The following CEP112 variants were observed in gnomAD, a reference collection of about 807,000 sequenced individuals.
CEP112 encodes the protein centrosomal protein of 112 kDa.
CEP112 carries 127 observed loss-of-function variants against 153.0 expected under a neutral mutation model. The observed-to-expected ratio is 0.83, with a 90% CI of 0.72 to 0.96. The LOEUF (loss-of-function observed/expected upper bound fraction) is 0.96, where lower values mean the gene tolerates loss of function less well. Ranked by LOEUF, CEP112 falls within the 40% of genes least tolerant of loss-of-function variation. CEP112 has a pLI of 0.00. For missense variants in CEP112, 1,089 were observed against 1,101.2 expected (o/e 0.99, Z 0.16); for synonymous variants, 358 against 374.4 (o/e 0.96, Z 0.51).
At chr17:65,960,750 C>T (rs2062168836) in intron 18 of CEP112, among the ~76,000 whole-genome samples, 1 of 152,196 alleles carries the variant, frequency 6.6e-6, no homozygotes, top group South Asian at 2.1e-4. Flanking sequence ...TTGGTTGAAT[C>T]TGTGGAGGCA....
intron 17 of CEP112, among the ~76,000 whole-genome samples, chr17:65,985,130 G>A (rs1444812460): frequency 6.6e-6 from 1 of 152,102 alleles, no homozygotes; most frequent in Non-Finnish European, 1.5e-5. Flanking sequence ...AGAGAGAGAA[G>A]CCGCAGTTGA....
chr17:65,766,029 G>T (rs1015130652), intron 21 of CEP112, among the ~76,000 whole-genome samples: 1 of 150,212 alleles, frequency 6.7e-6, no homozygotes, highest in Non-Finnish European at 1.5e-5. Flanking sequence ...TGTATGAATT[G>T]TTTGTAAAGC....
At chr17:65,680,920 G>C (rs1340585605) in intron 24 of CEP112, among the ~76,000 whole-genome samples, 24 of 152,142 alleles carry the variant, frequency 1.6e-4, no homozygotes, top group Non-Finnish European at 7.4e-5. Context: ...CACAGGAACA[G>C]CATGGGGGAA....
intron 4 of CEP112, among the ~76,000 whole-genome samples, chr17:66,145,734 G>T (rs1442078556): frequency 6.6e-6 from 1 of 151,954 alleles, no homozygotes; most frequent in Non-Finnish European, 1.5e-5. Flanking sequence ...TTGATTTTAA[G>T]CCTAAAAATC....
chr17:65,701,216 A>G (rs1332063402), intron 23 of CEP112, among the ~76,000 whole-genome samples: 2 of 152,196 alleles, frequency 1.3e-5, no homozygotes, highest in African/African-American at 2.4e-5. Flanking sequence ...GCCACAAGAC[A>G]GGTTGCAGGG....
intron 11 of CEP112, among the ~76,000 whole-genome samples, chr17:66,061,171 G>A (rs1414203552): frequency 6.6e-6 from 1 of 152,024 alleles, no homozygotes; most frequent in African/African-American, 2.4e-5. Context: ...CCAAAAGGTA[G>A]ATGAAAAATG....
At chr17:66,126,012 A>C (rs73353849) in intron 6 of CEP112, among the ~76,000 whole-genome samples, 1 of 152,170 alleles carries the variant, frequency 6.6e-6, no homozygotes, top group Admixed American at 6.5e-5. Context: ...TGTGTCAGCA[A>C]GCTAATTTTT....
chr17:66,102,614 G>T (rs1275329922), intron 6 of CEP112, among the ~76,000 whole-genome samples: 1 of 151,242 alleles, frequency 6.6e-6, no homozygotes, highest in African/African-American at 2.4e-5. Context: ...TGGCTAACAT[G>T]GTGAAACCCC....
At chr17:65,884,258 G>A (rs1463698724) in intron 20 of CEP112, among the ~76,000 whole-genome samples, 1 of 152,180 alleles carries the variant, frequency 6.6e-6, no homozygotes. Context: ...AGAAGCAGGA[G>A]GAAAACTGGG....
chr17:65,815,633 A>T (rs1436492635), intron 21 of CEP112, among the ~76,000 whole-genome samples: 1 of 152,066 alleles, frequency 6.6e-6, no homozygotes, highest in Admixed American at 6.6e-5. Context: ...CCTGCCCATG[A>T]ACTTGGTATT....
chr17:65,696,016 G>T (rs1408590261), intron 23 of CEP112, among the ~76,000 whole-genome samples: 1 of 152,172 alleles, frequency 6.6e-6, no homozygotes, highest in Non-Finnish European at 1.5e-5. Flanking sequence ...TGCAAATCAA[G>T]ACAGAATCAT....
chr17:65,680,958 C>T (rs994113868), intron 24 of CEP112, among the ~76,000 whole-genome samples: 1 of 152,180 alleles, frequency 6.6e-6, no homozygotes, highest in Non-Finnish European at 1.5e-5. Context: ...AGTCACCTCC[C>T]ACCAGGTCTC....
intron 23 of CEP112, among the ~76,000 whole-genome samples, chr17:65,726,883 A>G (rs1213049492): frequency 6.6e-6 from 1 of 152,206 alleles, no homozygotes; most frequent in Non-Finnish European, 1.5e-5. Context: ...TTCATTCTTT[A>G]AAAATGGCCT....
At chr17:65,789,100 T>C (rs1445236198) in intron 21 of CEP112, among the ~76,000 whole-genome samples, 2 of 152,182 alleles carry the variant, frequency 1.3e-5, no homozygotes, top group South Asian at 2.1e-4. Flanking sequence ...CACCTCTCTG[T>C]GATGTCCCAA....
chr17:65,731,413 G>C (rs1273263708), intron 23 of CEP112, among the ~76,000 whole-genome samples: 1 of 152,132 alleles, frequency 6.6e-6, no homozygotes, highest in Non-Finnish European at 1.5e-5. Context: ...TTATTGCTAA[G>C]ACATGCTAAC....
chr17:65,970,415 GTA>G (rs1053744334), intron 17 of CEP112, among the ~76,000 whole-genome samples: 2 of 37,174 alleles, frequency 5.4e-5, no homozygotes, highest in African/African-American at 3.4e-4. Flanking sequence ...CATCATGCAT[GTA>G]TATTACATGC....
intron 12 of CEP112, among the ~76,000 whole-genome samples, chr17:66,045,361 TG>T (rs2066162239): frequency 6.6e-6 from 1 of 152,136 alleles, no homozygotes. Flanking sequence ...TGAGCCACCA[TG>T]CCTGGCCAAA....
At chr17:65,921,006 T>C (rs2060706904) in intron 19 of CEP112, among the ~76,000 whole-genome samples, 1 of 152,106 alleles carries the variant, frequency 6.6e-6, no homozygotes, top group Admixed American at 6.6e-5. Context: ...CTCTAAGCAT[T>C]GGGAAACTTT....
chr17:65,956,208 C>G (rs1820616415), intron 18 of CEP112, among the ~76,000 whole-genome samples: 3 of 152,042 alleles, frequency 2.0e-5, no homozygotes, highest in Non-Finnish European at 4.4e-5. Context: ...CCTTAAAGAA[C>G]TAAAAGTAGA....
Sources: gnomAD v4.1 joint callset for allele counts (sites outside exome capture counted in the v4.1 genomes callset) on GRCh38, gnomAD v4.1.1 for gene constraint, MANE v1.5 for transcripts, NCBI Gene and HGNC (gene_info 2026-07-23, HGNC 2026-07-21) for gene names.